The following IMMT variants were observed in gnomAD, a reference collection of about 807,000 sequenced individuals.
IMMT encodes inner membrane mitochondrial protein.
In IMMT, 40 loss-of-function variants were observed where a neutral mutation model predicts 92.7. The ratio of observed to expected loss-of-function variants is 0.43; its 90% CI spans 0.34 to 0.56. The LOEUF is 0.56. Among genes scored for constraint, IMMT ranks in the 20% least tolerant of loss-of-function variants. The probability of loss-of-function intolerance (pLI) is 0.03; values close to 1 mark genes in which losing one functional copy is unlikely to be tolerated. For missense variants in IMMT, 831 were observed against 912.1 expected (o/e 0.91, Z 1.14); for synonymous variants, 322 against 336.1 (o/e 0.96, Z 0.46).
At chr2:86,180,947 C>A (rs1429194337) in intron 2 of IMMT, among the ~76,000 whole-genome samples, 1 of 151,624 alleles carries the variant, frequency 6.6e-6, no homozygotes, top group Non-Finnish European at 1.5e-5. Flanking sequence ...TTGCTTAAGT[C>A]ACAATATGAA....
intron 1 of IMMT, among the ~76,000 whole-genome samples, chr2:86,185,169 TAA>T (rs879845494): frequency 7.1e-6 from 1 of 141,700 alleles, no homozygotes; most frequent in African/African-American, 2.6e-5. Context: ...GACTCTGTCT[TAA>T]AAAAAAAAAA....
Position 86,146,163 on chromosome 2 carries a change from T to C in IMMT, c.1568A>G (p.Gln523Arg). 1 of 1,610,100 alleles carries C rather than the reference T, an allele frequency of 6.2e-7. No individual in the cohort carries two copies. Among genetic ancestry groups the C allele is most frequent in the South Asian group, 1.1e-5 (1 of 90,484 alleles). ...LSEKLSEQEL[Q>R]FRRLSQEQVD... ...TTGCTCTTGACTGAGACGACGAAAT[T>C]GTAATTCTTGTTCAGAGAGTTTCTC... Residue 523 changes from glutamine to arginine, a missense_variant, in exon 14 of 15, where the codon CAA becomes CGA. By Grantham distance (43) the Gln-to-Arg change is conservative. Coordinates refer to ENST00000410111, the MANE Select transcript of IMMT (RefSeq NM_006839.3).
intron 11 of IMMT, among the ~76,000 whole-genome samples, chr2:86,152,133 A>G (rs1043897995): frequency 4.6e-5 from 7 of 152,102 alleles, no homozygotes; most frequent in African/African-American, 1.7e-4. Context: ...GTAGCAACAC[A>G]TACACAGATT....
intron 14 of IMMT, among the ~76,000 whole-genome samples, chr2:86,145,274 C>A (rs1247868490): frequency 1.3e-5 from 2 of 151,718 alleles, no homozygotes; most frequent in African/African-American, 4.8e-5. Flanking sequence ...GTGGGTGGAT[C>A]ACTTGTGGTC....
chr2:86,180,144 G>C (rs1672335284), intron 2 of IMMT, among the ~76,000 whole-genome samples: 1 of 152,182 alleles, frequency 6.6e-6, no homozygotes, highest in African/African-American at 2.4e-5. Context: ...ACAATATCTA[G>C]AAATCTACCC....
chr2:86,151,167 C>G (rs1034178290), intron 12 of IMMT, 130 bp downstream of exon 12: 2 of 746,846 alleles, frequency 2.7e-6, no homozygotes, highest in Non-Finnish European at 4.5e-6. Context: ...ATCCACCCAC[C>G]TTGGCCTCCC....
chr2:86,174,669 A>G (rs1677315423), intron 3 of IMMT, among the ~76,000 whole-genome samples: 1 of 152,220 alleles, frequency 6.6e-6, no homozygotes, highest in South Asian at 2.1e-4. Flanking sequence ...ATATACACAT[A>G]AACAATGTTT....
chr2:86,155,023 C>T (rs1314976704), intron 10 of IMMT, among the ~76,000 whole-genome samples: 1 of 152,030 alleles, frequency 6.6e-6, no homozygotes, highest in Admixed American at 6.6e-5. Flanking sequence ...CCACCATGCT[C>T]GACTGATTTT....
chr2:86,168,244 T>C (rs192808559), intron 6 of IMMT, among the ~76,000 whole-genome samples: 2 of 152,110 alleles, frequency 1.3e-5, no homozygotes, highest in African/African-American at 4.8e-5. Flanking sequence ...TACCAAAAAG[T>C]AAAGCAAATG....
At chr2:86,182,357 T>C (rs1302607619) in intron 1 of IMMT, among the ~76,000 whole-genome samples, 2 of 152,224 alleles carry the variant, frequency 1.3e-5, no homozygotes, top group South Asian at 2.1e-4. Context: ...AAAGTATCTA[T>C]AGTTTTAGGA....
intron 3 of IMMT, among the ~76,000 whole-genome samples, chr2:86,176,827 A>C (rs1359675518): frequency 6.6e-6 from 1 of 152,336 alleles, no homozygotes; most frequent in Non-Finnish European, 1.5e-5. Context: ...GAATTTTTCA[A>C]CCTTACTCCA....
intron 9 of IMMT, 142 bp from the exon 10 acceptor site, chr2:86,158,863 G>A: frequency 1.4e-6 from 1 of 702,864 alleles, no homozygotes; most frequent in Non-Finnish European, 2.3e-6. Context: ...TAGAATATAA[G>A]CCTTATTTGT....
At chr2:86,193,206 C>A (rs1304566352) in intron 1 of IMMT, 5 of 151,576 alleles carry the variant, frequency 3.3e-5, no homozygotes, top group Non-Finnish European at 1.5e-5. Context: ...GAGTTCGAGA[C>A]CAGCCTGGCC....
Position 86,173,644 on chromosome 2 carries a change from A to G in IMMT, c.421+6T>C. On this transcript the variant is annotated splice_donor_region_variant and intron_variant, in intron 4 of 14. Transcript: ENST00000410111. Reference sequence around the variant, plus strand: ...ATTTTAAAAAGATGGTTCAAAATATAAGTACCTGTTGCTGAAGCTGGAGTA... The same window carrying G: ...ATTTTAAAAAGATGGTTCAAAATATGAGTACCTGTTGCTGAAGCTGGAGTA... The G allele has an allele frequency of 6.8e-7, 1 of 1,462,586 alleles. No individual in the cohort carries two copies. Among genetic ancestry groups the G allele is most frequent in the Non-Finnish European group, 9.6e-7 (1 of 1,045,940 alleles). 90.6% of individuals were successfully genotyped at this position (1,462,586 alleles called of 1,614,324 possible). A position where few individuals can be genotyped will look rare whatever the true frequency, so the allele number is the denominator to read the frequency against.
intron 13 of IMMT, among the ~76,000 whole-genome samples, chr2:86,147,137 A>T (rs942204087): frequency 6.6e-6 from 1 of 152,192 alleles, no homozygotes; most frequent in Admixed American, 6.5e-5. Context: ...TTATATTCTA[A>T]TATCTTGTAT....
chr2:86,149,191 T>C (rs762951667), intron 12 of IMMT, among the ~76,000 whole-genome samples: 3 of 152,212 alleles, frequency 2.0e-5, no homozygotes, highest in Non-Finnish European at 4.4e-5. Context: ...GAAATCTCAG[T>C]CTTGCTAACA....
rs145399815 is a variant in IMMT, at chr2:86,179,421, T to C, written c.309+12A>G. On this transcript the variant is annotated intron_variant, in intron 3 of 14. Coordinates refer to ENST00000410111, the MANE Select transcript of IMMT (RefSeq NM_006839.3). ...TCATTGGATAAACTGAAATATTGTT[T>C]AAAACTCTTACCGATTTCTTTGGCA... 1,084 of 1,564,718 alleles carry C rather than the reference T, an allele frequency of 6.9e-4. 3 individuals are homozygous for C. In the African/African-American group the frequency reaches 0.013, roughly 19 times the overall value.
chr2:86,159,726 A>G, intron 8 of IMMT, 55 bp from the exon 9 acceptor site: 1 of 1,436,606 alleles, frequency 7.0e-7, no homozygotes, highest in Non-Finnish European at 9.3e-7. Flanking sequence ...TGTATTAAAA[A>G]GTTTTGATGT....
Position 86,144,757 on chromosome 2 carries a change from A to G in IMMT, c.1788T>C (p.Val596=), listed in dbSNP as rs775980418. The G allele has an allele frequency of 2.5e-6, 4 of 1,613,858 alleles. No homozygotes were observed. Among genetic ancestry groups the G allele is most frequent in the Middle Eastern group, 1.7e-4 (1 of 5,946 alleles). ...ETPTIPLGSA[V]EAIKANCSDN... The stretch of plus-strand genomic sequence containing the variant: ...CAGAACAGTTGGCTTTGATGGCCTC[A>G]ACTGCACTACCCAGCGGGATAGTAG... Residue 596 remains valine, a synonymous_variant, in exon 15 of 15, where the codon GTT becomes GTC. Transcript: ENST00000410111.
Sources: allele counts gnomAD v4.1 joint callset (sites outside exome capture counted in the v4.1 genomes callset), GRCh38; gene constraint gnomAD v4.1.1; transcripts MANE v1.5; gene names NCBI Gene and HGNC (gene_info 2026-07-23, HGNC 2026-07-21).